The following SLC24A2 variants were observed in gnomAD, a reference collection of about 807,000 sequenced individuals.
The protein encoded by SLC24A2 is sodium/potassium/calcium exchanger 2.
SLC24A2 carries 36 observed loss-of-function variants against 62.0 expected under a neutral mutation model. That is an observed-to-expected ratio of 0.58 (90% CI 0.44 to 0.77). SLC24A2 has a LOEUF of 0.77. Ranked by LOEUF, SLC24A2 falls within the 30% of genes least tolerant of loss-of-function variation. The probability of loss-of-function intolerance (pLI) is 0.00; values close to 1 mark genes in which losing one functional copy is unlikely to be tolerated. For missense variants in SLC24A2, 846 were observed against 817.9 expected, an observed-to-expected ratio of 1.03 and a Z score of -0.42; for synonymous variants, 358 against 294.0, an observed-to-expected ratio of 1.22 and a Z score of -2.23.
chr9:20,192,007 A>G, the SLC24A2 span, among the ~76,000 whole-genome samples: 2 of 152,196 alleles, frequency 1.3e-5, no homozygotes, highest in Admixed American at 1.3e-4. Flanking sequence ...CAACCAAACC[A>G]AAGCAAATAA....
chr9:19,841,225 ATAAG>A, the SLC24A2 span, among the ~76,000 whole-genome samples: 6 of 152,298 alleles, frequency 3.9e-5, no homozygotes, highest in East Asian at 3.9e-4. Context: ...GAGACTAAAA[ATAAG>A]TAAGACAGAT....
At position 19,516,009 on chromosome 9, in the gene SLC24A2, C is replaced by G; in HGVS notation, c.*144G>C. On this transcript the variant is annotated 3_prime_UTR_variant, in exon 11 of 11. Transcript: ENST00000341998. ...TGAAGTGAATGGGCCCAGTGTGAAT[C>G]CATCTCTCCTCAAATTCACCAAGGA... 9.0e-6 allele frequency: 9 copies of G among 995,394 alleles called. No individual in the cohort carries two copies. Among genetic ancestry groups the G allele is most frequent in the Non-Finnish European group, 1.4e-5 (9 of 625,366 alleles). 61.7% of individuals were successfully genotyped at this position (995,394 alleles called of 1,614,324 possible).
At chr9:20,134,325 G>GT in the SLC24A2 span, among the ~76,000 whole-genome samples, 1 of 152,116 alleles carries the variant, frequency 6.6e-6, no homozygotes, top group Non-Finnish European at 1.5e-5. Flanking sequence ...GTTGTCATTT[G>GT]TTTTAAACTT....
chr9:20,295,847 T>A, the SLC24A2 span, among the ~76,000 whole-genome samples: 12 of 152,316 alleles, frequency 7.9e-5, no homozygotes, highest in South Asian at 2.5e-3. Flanking sequence ...TTGCCTATCA[T>A]GGAACTTCTC....
At chr9:19,633,893 T>C (rs1223847483) in intron 2 of SLC24A2, among the ~76,000 whole-genome samples, 3 of 152,232 alleles carry the variant, frequency 2.0e-5, no homozygotes, top group Non-Finnish European at 4.4e-5. Context: ...CTTTAATGTG[T>C]ACTTTCATTC....
At chr9:20,095,745 G>C in the SLC24A2 span, among the ~76,000 whole-genome samples, 2 of 150,798 alleles carry the variant, frequency 1.3e-5, no homozygotes, top group Non-Finnish European at 2.9e-5. Flanking sequence ...AGATACCCAA[G>C]ACTGGGTAAT....
At chr9:20,202,355 T>C in the SLC24A2 span, among the ~76,000 whole-genome samples, 3 of 152,224 alleles carry the variant, frequency 2.0e-5, no homozygotes, top group Admixed American at 2.0e-4. Context: ...GTGAAACTCC[T>C]TCTGTGCAAA....
chr9:19,664,998 G>T (rs944743877), intron 2 of SLC24A2, among the ~76,000 whole-genome samples: 1 of 152,122 alleles, frequency 6.6e-6, no homozygotes, highest in South Asian at 2.1e-4. Flanking sequence ...AAACAAATAC[G>T]CCTTGTAACA....
chr9:19,847,738 T>C, the SLC24A2 span, among the ~76,000 whole-genome samples: 3 of 152,208 alleles, frequency 2.0e-5, no homozygotes, highest in Non-Finnish European at 4.4e-5. Context: ...TTTTCATTTT[T>C]TCTTCAGACC....
At chr9:20,170,026 A>C in the SLC24A2 span, among the ~76,000 whole-genome samples, 1 of 152,164 alleles carries the variant, frequency 6.6e-6, no homozygotes, top group East Asian at 1.9e-4. Context: ...CACTTATAGA[A>C]ATGCAAAATA....
chr9:19,575,102 T>C (rs932264221), intron 6 of SLC24A2, among the ~76,000 whole-genome samples: 1 of 152,226 alleles, frequency 6.6e-6, no homozygotes, highest in Non-Finnish European at 1.5e-5. Context: ...TTATGTTTAT[T>C]TATGTATTTA....
the SLC24A2 span, among the ~76,000 whole-genome samples, chr9:20,048,772 G>A: frequency 1.3e-5 from 2 of 151,426 alleles, no homozygotes; most frequent in Admixed American, 1.3e-4. Flanking sequence ...AATATTTCCA[G>A]TGTGAAAAGA....
At chr9:20,257,344 T>G in the SLC24A2 span, among the ~76,000 whole-genome samples, 1 of 152,340 alleles carries the variant, frequency 6.6e-6, no homozygotes, top group South Asian at 2.1e-4. Flanking sequence ...ATCAAGGTCC[T>G]GAGTTAAAAT....
At chr9:19,750,960 C>T (rs749558650) in intron 2 of SLC24A2, among the ~76,000 whole-genome samples, 3 of 152,160 alleles carry the variant, frequency 2.0e-5, no homozygotes, top group African/African-American at 7.2e-5. Context: ...TCTGGTAAGC[C>T]GGCTTCCTTC....
At chr9:20,065,915 C>T in the SLC24A2 span, among the ~76,000 whole-genome samples, 2 of 152,140 alleles carry the variant, frequency 1.3e-5, no homozygotes, top group Non-Finnish European at 2.9e-5. Context: ...TTCTTTTCTC[C>T]CCAAGGGCTG....
intron 2 of SLC24A2, among the ~76,000 whole-genome samples, chr9:19,654,391 T>C (rs753061226): frequency 6.6e-6 from 1 of 152,170 alleles, no homozygotes; most frequent in Non-Finnish European, 1.5e-5. Flanking sequence ...CCACAGCCTT[T>C]TCTCCTGTGT....
chr9:19,752,076 C>T (rs1822000985), intron 2 of SLC24A2, among the ~76,000 whole-genome samples: 1 of 152,148 alleles, frequency 6.6e-6, no homozygotes, highest in Admixed American at 6.6e-5. Flanking sequence ...CAGAATTAGA[C>T]CTGAAAATGT....
At chr9:19,629,036 C>T (rs1483643763) in intron 2 of SLC24A2, among the ~76,000 whole-genome samples, 1 of 151,984 alleles carries the variant, frequency 6.6e-6, no homozygotes, top group Non-Finnish European at 1.5e-5. Flanking sequence ...ATAATGTGTG[C>T]CAAGTGTTAT....
chr9:19,588,961 C>CA (rs201398211), intron 5 of SLC24A2, among the ~76,000 whole-genome samples: 31 of 150,886 alleles, frequency 2.1e-4, no homozygotes, highest in Admixed American at 6.6e-4. Flanking sequence ...ACTCTGTCTC[C>CA]AAAAAAAAAT....
Sources: gnomAD v4.1 joint callset for allele counts (sites outside exome capture counted in the v4.1 genomes callset) on GRCh38, gnomAD v4.1.1 for gene constraint, MANE v1.5 for transcripts, NCBI Gene and HGNC (gene_info 2026-07-23, HGNC 2026-07-21) for gene names.